FMNL2: variants seen among roughly 807,000 people sequenced by gnomAD.
FMNL2 encodes the protein formin-like protein 2.
In FMNL2, 51 loss-of-function variants were observed where a neutral mutation model predicts 130.2. The ratio of observed to expected loss-of-function variants is 0.39; its 90% CI spans 0.31 to 0.49. The LOEUF (loss-of-function observed/expected upper bound fraction) is 0.49, where lower values mean the gene tolerates loss of function less well. Ranked by LOEUF, FMNL2 falls within the 20% of genes least tolerant of loss-of-function variation. FMNL2 has a pLI of 0.85. For missense variants in FMNL2, 977 were observed against 1,316.2 expected (o/e 0.74, Z 3.99); for synonymous variants, 465 against 467.1 (o/e 1.00, Z 0.06).
intron 1 of FMNL2, among the ~76,000 whole-genome samples, chr2:152,439,264 T>C (rs1239289702): frequency 6.6e-6 from 1 of 152,142 alleles, no homozygotes; most frequent in Non-Finnish European, 1.5e-5. Flanking sequence ...CTGTTAATAG[T>C]TTTGCATGTC....
chr2:152,349,202 A>G (rs763703600), intron 1 of FMNL2, among the ~76,000 whole-genome samples: 56 of 152,106 alleles, frequency 3.7e-4, no homozygotes, highest in Non-Finnish European at 6.6e-4. Flanking sequence ...GTTATATAAG[A>G]AGGTGGTGAA....
At chr2:152,603,422 T>G (rs1476308100) in intron 9 of FMNL2, among the ~76,000 whole-genome samples, 1 of 139,626 alleles carries the variant, frequency 7.2e-6, no homozygotes, top group African/African-American at 2.5e-5. Context: ...TTTTTAAGAT[T>G]AGAGGTATTT....
At chr2:152,418,179 T>G (rs929340671) in intron 1 of FMNL2, among the ~76,000 whole-genome samples, 1 of 152,162 alleles carries the variant, frequency 6.6e-6, no homozygotes, top group East Asian at 1.9e-4. Flanking sequence ...TAGCAGCTCT[T>G]TTGGAAGAAT....
intron 9 of FMNL2, among the ~76,000 whole-genome samples, chr2:152,596,371 T>C (rs1697774842): frequency 6.6e-6 from 1 of 152,196 alleles, no homozygotes; most frequent in African/African-American, 2.4e-5. Context: ...GTACATTTAG[T>C]AGTTCTTTGT....
intron 1 of FMNL2, among the ~76,000 whole-genome samples, chr2:152,412,462 A>T (rs1175018965): frequency 2.1e-3 from 19 of 9,028 alleles, no homozygotes; most frequent in Non-Finnish European, 6.9e-4. Context: ...ATATATATAT[A>T]TATATATATA....
chr2:152,637,453 G>A, intron 22 of FMNL2, 120 bp from the exon 23 acceptor site: 1 of 734,382 alleles, frequency 1.4e-6, no homozygotes, highest in South Asian at 1.7e-5. Context: ...GGGAGGTGCA[G>A]CAACGCAAGG....
At position 152,648,781 on chromosome 2, in the gene FMNL2, C is replaced by T. The variant is rs1683832148; in HGVS notation, c.*876C>T. 1 of 152,598 alleles carries T rather than the reference C, an allele frequency of 6.6e-6. No homozygotes were observed. The highest frequency in any genetic ancestry group is 2.4e-5 in the African/African-American group (1 of 41,442). The allele number at this position is 152,598 out of a possible 1,614,324, so 9.5% of individuals were successfully genotyped here. On this transcript the variant is annotated 3_prime_UTR_variant, in exon 26 of 26. Coordinates refer to ENST00000288670, the MANE Select transcript of FMNL2 (RefSeq NM_052905.4). ...GTAGTGTTAGGAACCTGGCCTTACT[C>T]TCCTCTGACAATCGCAATTTTTTCT...
At chr2:152,354,335 C>CA (rs36013532) in intron 1 of FMNL2, among the ~76,000 whole-genome samples, 13,343 of 145,036 alleles carry the variant, frequency 0.092, 658 homozygotes, top group African/African-American at 0.14. Flanking sequence ...CCAGTAGTGG[C>CA]AAAAAAAAAA....
chr2:152,419,918 C>A (rs1465641024), intron 1 of FMNL2, among the ~76,000 whole-genome samples: 1 of 152,192 alleles, frequency 6.6e-6, no homozygotes, highest in Non-Finnish European at 1.5e-5. Context: ...TAAACCAAGA[C>A]TAATGCCAGG....
At chr2:152,377,327 G>A (rs968694092) in intron 1 of FMNL2, among the ~76,000 whole-genome samples, 1 of 152,178 alleles carries the variant, frequency 6.6e-6, no homozygotes, top group African/African-American at 2.4e-5. Context: ...ACTAGATCTT[G>A]AAAGTTTTTT....
chr2:152,525,410 G>C (rs1460986664), intron 2 of FMNL2, among the ~76,000 whole-genome samples: 1 of 152,166 alleles, frequency 6.6e-6, no homozygotes, highest in African/African-American at 2.4e-5. Flanking sequence ...TCCAGAAGCT[G>C]TTAGAGGTGC....
chr2:152,360,234 A>G (rs1683082555), intron 1 of FMNL2, among the ~76,000 whole-genome samples: 3 of 152,224 alleles, frequency 2.0e-5, no homozygotes, highest in Non-Finnish European at 4.4e-5. Flanking sequence ...TGAAATGTTC[A>G]TAGTAAGATG....
At chr2:152,484,409 G>T (rs971718043) in intron 1 of FMNL2, among the ~76,000 whole-genome samples, 4 of 152,054 alleles carry the variant, frequency 2.6e-5, no homozygotes, top group African/African-American at 9.7e-5. Context: ...GGAGGCTGAG[G>T]TAGGAGGATC....
At chr2:152,367,151 C>G (rs1475624676) in intron 1 of FMNL2, among the ~76,000 whole-genome samples, 1 of 150,880 alleles carries the variant, frequency 6.6e-6, no homozygotes, top group Non-Finnish European at 1.5e-5. Flanking sequence ...TCCCGGCTCA[C>G]TGCAACCTCC....
intron 1 of FMNL2, among the ~76,000 whole-genome samples, chr2:152,339,147 A>G (rs544902315): frequency 3.3e-5 from 5 of 152,334 alleles, no homozygotes; most frequent in African/African-American, 7.2e-5. Context: ...CATGGGCCCA[A>G]CGCAAATTCA....
At chr2:152,402,187 C>A (rs1287096337) in intron 1 of FMNL2, among the ~76,000 whole-genome samples, 1 of 152,178 alleles carries the variant, frequency 6.6e-6, no homozygotes, top group Non-Finnish European at 1.5e-5. Context: ...CAGGCGTGAG[C>A]CACTACGCCC....
chr2:152,616,952 A>G (rs867497373), intron 12 of FMNL2, 139 bp from the exon 13 acceptor site: 7 of 661,836 alleles, frequency 1.1e-5, no homozygotes, highest in Middle Eastern at 2.5e-4. Context: ...TATTATAAAC[A>G]TTACCATTTC....
chr2:152,364,507 G>C (rs759456073), intron 1 of FMNL2, among the ~76,000 whole-genome samples: 1 of 151,998 alleles, frequency 6.6e-6, no homozygotes, highest in African/African-American at 2.4e-5. Flanking sequence ...TTAGTAAACC[G>C]TAAAACATAT....
chr2:152,591,833 G>A (rs532854954), intron 9 of FMNL2, among the ~76,000 whole-genome samples: 4 of 151,880 alleles, frequency 2.6e-5, no homozygotes, highest in African/African-American at 4.8e-5. Flanking sequence ...AGCCAGGTGC[G>A]GTGGCTAACG....
Sources: gnomAD v4.1 joint callset for allele counts (sites outside exome capture counted in the v4.1 genomes callset) on GRCh38, gnomAD v4.1.1 for gene constraint, MANE v1.5 for transcripts, NCBI Gene and HGNC (gene_info 2026-07-23, HGNC 2026-07-21) for gene names.